SNX9: variants seen among roughly 807,000 people sequenced by gnomAD.
SNX9 encodes sorting nexin-9.
In SNX9, 44 loss-of-function variants were observed where a neutral mutation model predicts 89.4. That is an observed-to-expected ratio of 0.49 (90% CI 0.39 to 0.63). SNX9 has a LOEUF of 0.63. SNX9 is among the 30% of genes least tolerant of loss of function. The probability of loss-of-function intolerance (pLI) is 0.00; values close to 1 mark genes in which losing one functional copy is unlikely to be tolerated. For missense variants in SNX9, 578 were observed against 736.1 expected (o/e 0.79, Z 2.49); for synonymous variants, 236 against 247.8 (o/e 0.95, Z 0.45).
intron 4 of SNX9, among the ~76,000 whole-genome samples, chr6:157,891,126 G>A (rs776403114): frequency 9.5e-5 from 14 of 146,834 alleles, no homozygotes; most frequent in Non-Finnish European, 1.8e-4. Context: ...CCGCCTTCCA[G>A]GTTCAAGCGA....
At chr6:157,903,539 A>T (rs1457259868) in intron 6 of SNX9, among the ~76,000 whole-genome samples, 2 of 152,302 alleles carry the variant, frequency 1.3e-5, no homozygotes, top group East Asian at 3.9e-4. Context: ...GTCAGTAGTG[A>T]TGTGCATCAT....
chr6:157,888,361 A>T (rs541452131), intron 4 of SNX9, among the ~76,000 whole-genome samples: 33 of 152,288 alleles, frequency 2.2e-4, no homozygotes, highest in South Asian at 1.0e-3. Context: ...ATACTGTATC[A>T]TGATGCCAAA....
rs1436426336 is a variant in SNX9 at position 157,944,520 on chromosome 6, AG to A, written c.*1683del. On this transcript the variant is annotated 3_prime_UTR_variant, in exon 18 of 18. Coordinates refer to ENST00000392185, the MANE Select transcript of SNX9 (RefSeq NM_016224.5). Reference sequence around the variant, plus strand: ...AAAAAACTGTACAGTAAATTCTCAAAGCACTTTTTCAAAACACTTTTTGGAC... The same window carrying A: ...AAAAAACTGTACAGTAAATTCTCAAACACTTTTTCAAAACACTTTTTGGAC... 1.3e-5 allele frequency: 2 copies of A among 152,650 alleles called. No homozygotes were observed. The highest frequency in any genetic ancestry group is 2.9e-5 in the Non-Finnish European group (2 of 68,044). 9.5% of individuals were successfully genotyped at this position (152,650 alleles called of 1,614,324 possible).
chr6:157,843,850 T>A (rs1781748524), intron 1 of SNX9, among the ~76,000 whole-genome samples: 1 of 151,346 alleles, frequency 6.6e-6, no homozygotes, highest in Non-Finnish European at 1.5e-5. Flanking sequence ...TTCTAGATTT[T>A]AAAAAATTAT....
intron 10 of SNX9, among the ~76,000 whole-genome samples, chr6:157,923,098 A>T (rs1783616190): frequency 6.6e-6 from 1 of 152,192 alleles, no homozygotes; most frequent in African/African-American, 2.4e-5. Flanking sequence ...TCAAAGAGGG[A>T]TCAACGTGTC....
At chr6:157,868,957 C>G (rs1782330326) in intron 2 of SNX9, among the ~76,000 whole-genome samples, 1 of 152,236 alleles carries the variant, frequency 6.6e-6, no homozygotes, top group South Asian at 2.1e-4. Flanking sequence ...GTGTCCTCTC[C>G]CTCGTGACCG....
intron 4 of SNX9, among the ~76,000 whole-genome samples, chr6:157,893,390 G>A (rs1030723171): frequency 6.6e-5 from 10 of 152,104 alleles, no homozygotes; most frequent in Admixed American, 6.5e-4. Context: ...AGGTATATAG[G>A]GCAGTAGAAT....
intron 10 of SNX9, among the ~76,000 whole-genome samples, chr6:157,925,871 A>G (rs1583241502): frequency 6.6e-6 from 1 of 151,180 alleles, no homozygotes; most frequent in South Asian, 2.1e-4. Context: ...TATTTCTCAC[A>G]GTTACGGAGG....
Position 157,876,259 on chromosome 6 carries a change from C to T in SNX9, c.300+1083C>T, listed in dbSNP as rs547816650. On this transcript the variant is annotated intron_variant, in intron 4 of 17. Coordinates refer to ENST00000392185, the MANE Select transcript of SNX9 (RefSeq NM_016224.5). ...CTGAGTTCAGGAGTTTGAGACCATC[C>T]TGGCCAACATGGTGAAACCCCATCT... Among the ~76,000 whole-genome samples the T allele has an allele frequency of 5.3e-5, 8 of 152,258 alleles. No individual in the cohort carries two copies. The South Asian group carries it at 1.7e-3, about 32-fold the overall frequency.
intron 4 of SNX9, among the ~76,000 whole-genome samples, chr6:157,875,608 C>G (rs185688509): frequency 6.8e-4 from 103 of 152,306 alleles, no homozygotes; most frequent in African/African-American, 2.4e-3. Context: ...GGCCCTCATC[C>G]TGCGAGTAGA....
At chr6:157,912,117 AT>A (rs1783359729) in intron 9 of SNX9, among the ~76,000 whole-genome samples, 1 of 152,144 alleles carries the variant, frequency 6.6e-6, no homozygotes, top group Non-Finnish European at 1.5e-5. Flanking sequence ...CCTTTTTGTC[AT>A]CCTTATTGCT....
At chr6:157,893,866 T>C (rs920779138) in intron 4 of SNX9, among the ~76,000 whole-genome samples, 1 of 152,128 alleles carries the variant, frequency 6.6e-6, no homozygotes, top group Non-Finnish European at 1.5e-5. Flanking sequence ...AATAAACAGC[T>C]AAGAGATGTT....
chr6:157,917,962 T>C (rs1287422919), intron 9 of SNX9, among the ~76,000 whole-genome samples: 1 of 152,188 alleles, frequency 6.6e-6, no homozygotes, highest in African/African-American at 2.4e-5. Context: ...TCCAGTTTTA[T>C]TATGTTCAGA....
At chr6:157,912,566 T>A (rs576334614) in intron 9 of SNX9, among the ~76,000 whole-genome samples, 22 of 152,344 alleles carry the variant, frequency 1.4e-4, no homozygotes, top group Admixed American at 3.3e-4. Context: ...AGAAGGGCTC[T>A]ATTTCCCCCT....
intron 9 of SNX9, among the ~76,000 whole-genome samples, chr6:157,915,640 A>AATAT (rs1411739606): frequency 3.2e-5 from 3 of 95,152 alleles, no homozygotes; most frequent in East Asian, 2.3e-4. Context: ...AAAAAAAAAA[A>AATAT]ATATATATAT....
Position 157,858,859 on chromosome 6 carries a change from G to A in SNX9, c.13-8688G>A, listed in dbSNP as rs547009291. 2.9e-4 allele frequency among the ~76,000 whole-genome samples: 44 copies of A among 152,204 alleles called. 1 individual carries two copies. The highest frequency in any genetic ancestry group is 8.7e-4 in the African/African-American group (36 of 41,520). ...TCTCATGAGACTTACTCACTACCAC[G>A]AGAACAGTATGGGGGATACCACCCC... is the stretch of plus-strand genomic sequence containing the variant. On this transcript the variant is annotated intron_variant, in intron 1 of 17. Transcript: ENST00000392185.
intron 4 of SNX9, among the ~76,000 whole-genome samples, chr6:157,876,345 G>A (rs1187098628): frequency 2.6e-5 from 4 of 152,092 alleles, no homozygotes; most frequent in South Asian, 2.1e-4. Flanking sequence ...CAAGCTGCTC[G>A]GGGGGCTGAA....
In SNX9 at chr6:157,932,328, C is replaced by A. The variant is rs568296315; in HGVS notation, c.1366+56C>A. ...TTTAGAGCCTTATGTAGACCTGTCA[C>A]CTGCTTAGGATCCTGCAGACGCTAA... On this transcript the variant is annotated intron_variant, in intron 13 of 17. Transcript: ENST00000392185. 19 of 1,494,968 alleles carry A rather than the reference C, an allele frequency of 1.3e-5. No homozygotes were observed. In the East Asian group the frequency reaches 4.1e-4, roughly 32 times the overall value. The allele number at this position is 1,494,968 out of a possible 1,614,324, so 92.6% of individuals were successfully genotyped here.
rs548981231 is a variant in SNX9 at position 157,862,877 on chromosome 6, C to T, written c.13-4670C>T. On this transcript the variant is annotated intron_variant, in intron 1 of 17. Coordinates refer to ENST00000392185, the MANE Select transcript of SNX9 (RefSeq NM_016224.5). ...GGTTATTGGTTTGTATTAACTTGGA[C>T]TCTCTAGGTTGCAAGTGACAAGATG... is the stretch of plus-strand genomic sequence containing the variant. Among the ~76,000 whole-genome samples the T allele has an allele frequency of 3.9e-5, 6 of 152,150 alleles. No individual in the cohort carries two copies. The South Asian group carries it at 1.2e-3, about 32-fold the overall frequency.
Sources: gnomAD v4.1 joint callset for allele counts (sites outside exome capture counted in the v4.1 genomes callset) on GRCh38, gnomAD v4.1.1 for gene constraint, MANE v1.5 for transcripts, NCBI Gene and HGNC (gene_info 2026-07-23, HGNC 2026-07-21) for gene names.